CAMTA1: variants seen among roughly 807,000 people sequenced by gnomAD.
CAMTA1 encodes the protein calmodulin-binding transcription activator 1.
In CAMTA1, 27 loss-of-function variants were observed where a neutral mutation model predicts 170.9. The ratio of observed to expected loss-of-function variants is 0.16; its 90% CI spans 0.12 to 0.22. The LOEUF (loss-of-function observed/expected upper bound fraction) is 0.22. Ranked by LOEUF, CAMTA1 falls within the 10% of genes least tolerant of loss-of-function variation. CAMTA1 has a pLI of 1.00. For synonymous variants in CAMTA1, 833 were observed against 891.5 expected (o/e 0.93, Z 1.17); for missense variants, 1,619 against 2,217.2 (o/e 0.73, Z 5.42).
At chr1:7,143,122 G>C (rs1490056555) in intron 4 of CAMTA1, among the ~76,000 whole-genome samples, 2 of 152,164 alleles carry the variant, frequency 1.3e-5, no homozygotes, top group African/African-American at 4.8e-5. Context: ...GTAGAAAACT[G>C]AGCAGAGAAA....
chr1:7,473,476 C>G (rs2093368196), intron 6 of CAMTA1, among the ~76,000 whole-genome samples: 1 of 152,208 alleles, frequency 6.6e-6, no homozygotes, highest in African/African-American at 2.4e-5. Context: ...GTTCCATACT[C>G]AGGCCCTAGA....
intron 6 of CAMTA1, among the ~76,000 whole-genome samples, chr1:7,578,840 C>A (rs2095229016): frequency 6.6e-6 from 1 of 152,154 alleles, no homozygotes; most frequent in African/African-American, 2.4e-5. Flanking sequence ...GGGGCACAGC[C>A]CTTGTGACCC....
At chr1:7,306,050 A>G (rs1278302375) in intron 5 of CAMTA1, among the ~76,000 whole-genome samples, 1 of 152,032 alleles carries the variant, frequency 6.6e-6, no homozygotes, top group Non-Finnish European at 1.5e-5. Context: ...ATTTGCCAAT[A>G]TTTTTAACTA....
At chr1:7,342,322 C>T (rs2083895708) in intron 5 of CAMTA1, among the ~76,000 whole-genome samples, 1 of 152,194 alleles carries the variant, frequency 6.6e-6, no homozygotes, top group Admixed American at 6.5e-5. Context: ...CAGTCCCCCT[C>T]CACCCTTTTA....
chr1:6,911,773 A>G (rs1454803109), intron 3 of CAMTA1, among the ~76,000 whole-genome samples: 1 of 152,192 alleles, frequency 6.6e-6, no homozygotes, highest in Non-Finnish European at 1.5e-5. Context: ...GTGGAACCTA[A>G]ATTAACAACT....
intron 7 of CAMTA1, among the ~76,000 whole-genome samples, chr1:7,647,905 G>A (rs1182791874): frequency 6.6e-6 from 1 of 152,188 alleles, no homozygotes; most frequent in South Asian, 2.1e-4. Flanking sequence ...GCAACATGGC[G>A]AGACCCTGTC....
chr1:7,530,796 A>G (rs1389488548), intron 6 of CAMTA1, among the ~76,000 whole-genome samples: 1 of 147,718 alleles, frequency 6.8e-6, no homozygotes, highest in Non-Finnish European at 1.5e-5. Context: ...AAGTATGTCC[A>G]GCACTGTGAG....
rs186214560 is a variant in CAMTA1 at position 7,019,693 on chromosome 1, A to G, written c.235-71611A>G. 7.2e-5 allele frequency among the ~76,000 whole-genome samples: 11 copies of G among 152,332 alleles called. No homozygotes were observed. In the East Asian group the frequency reaches 2.1e-3, roughly 29 times the overall value. On this transcript the variant is annotated intron_variant, in intron 3 of 22. Coordinates refer to ENST00000303635, the MANE Select transcript of CAMTA1 (RefSeq NM_015215.4). ...CTGCTGCTGAGCAAACTTGGTAAAA[A>G]TGTTCATCGAGATGGAAAACAAGAA... is the stretch of plus-strand genomic sequence containing the variant.
At chr1:7,670,667 C>G (rs1393010349) in intron 9 of CAMTA1, among the ~76,000 whole-genome samples, 1 of 152,172 alleles carries the variant, frequency 6.6e-6, no homozygotes, top group Non-Finnish European at 1.5e-5. Flanking sequence ...TTGGAGCTGC[C>G]GGTCCTGGGG....
rs961336296 is a variant in CAMTA1 at position 7,661,778 on chromosome 1, G to A, written c.717G>A (p.Ser239=). Residue 239 remains serine (S), a synonymous_variant, in exon 8 of 23, where the codon TCG becomes TCA. Coordinates refer to ENST00000303635, the MANE Select transcript of CAMTA1 (RefSeq NM_015215.4). ...ATGGGAACAGCAGCTCAGGCTTCTC[G>A]GTGGAACAGCTGGTGCAGCAGATCC... The part of the protein sequence containing the change: ...CSNGNSSSGF[S]VEQLVQQILD... 37 of 1,613,804 alleles carry A rather than the reference G, an allele frequency of 2.3e-5. No individual in the cohort carries two copies. Among genetic ancestry groups the A allele is most frequent in the Admixed American group, 8.3e-5 (5 of 59,996 alleles).
At chr1:6,938,117 G>T (rs1194729142) in intron 3 of CAMTA1, among the ~76,000 whole-genome samples, 1 of 152,138 alleles carries the variant, frequency 6.6e-6, no homozygotes, top group Non-Finnish European at 1.5e-5. Context: ...TTTTATTTAG[G>T]GGCTTTAAAT....
At chr1:7,206,205 A>G (rs775200028) in intron 4 of CAMTA1, among the ~76,000 whole-genome samples, 5 of 152,204 alleles carry the variant, frequency 3.3e-5, no homozygotes, top group Non-Finnish European at 7.3e-5. Context: ...GAACTATAGT[A>G]TCAATTTGTC....
At chr1:7,298,549 G>C (rs139977863) in intron 5 of CAMTA1, among the ~76,000 whole-genome samples, 10 of 152,104 alleles carry the variant, frequency 6.6e-5, no homozygotes, top group Non-Finnish European at 1.5e-4. Context: ...CTACAGGGGC[G>C]GAATTCCGGT....
intron 16 of CAMTA1, among the ~76,000 whole-genome samples, chr1:7,741,193 C>T (rs781590393): frequency 6.6e-6 from 1 of 151,518 alleles, no homozygotes; most frequent in African/African-American, 2.4e-5. Flanking sequence ...TGAAAGCTCT[C>T]GGGTTCAGGG....
rs897782516 is a variant in CAMTA1, at chr1:6,952,912, G to T, written c.234+127702G>T. 7.2e-5 allele frequency among the ~76,000 whole-genome samples: 11 copies of T among 152,254 alleles called. No individual in the cohort carries two copies. The South Asian group carries it at 1.7e-3, about 23-fold the overall frequency. On this transcript the variant is annotated intron_variant, in intron 3 of 22. Coordinates refer to ENST00000303635, the MANE Select transcript of CAMTA1 (RefSeq NM_015215.4). ...ATACAGAAAAGAAAAGAATTAAGAG[G>T]AAAACAGGGATCCCCCGGATCTCAT...
intron 5 of CAMTA1, among the ~76,000 whole-genome samples, chr1:7,259,811 A>G (rs114070194): frequency 3.5e-3 from 531 of 152,326 alleles, no homozygotes; most frequent in Non-Finnish European, 5.2e-3. Context: ...AGTGGCGATG[A>G]CTAAACAGTT....
Position 7,665,347 on chromosome 1 carries a change from C to T in CAMTA1, c.2652+148C>T, listed in dbSNP as rs2095991948. On this transcript the variant is annotated intron_variant, in intron 9 of 22. Coordinates refer to ENST00000303635, the MANE Select transcript of CAMTA1 (RefSeq NM_015215.4). This position sits in a 1 kb window ranked among gnomAD's most constrained non-coding sequence, Gnocchi z 4.3. The stretch of plus-strand genomic sequence containing the variant: ...GATGATGCTTTCCCCTCCTTGTGTC[C>T]CCACGGCGCTTGAACACCTCCGTCT... 1 of 582,938 alleles carries T rather than the reference C, an allele frequency of 1.7e-6. No homozygotes were observed. Among genetic ancestry groups the T allele is most frequent in the Non-Finnish European group, 2.6e-6 (1 of 381,478 alleles). 36.1% of individuals were successfully genotyped at this position (582,938 alleles called of 1,614,324 possible).
At position 7,456,693 on chromosome 1, in the gene CAMTA1, G is replaced by T. The variant is rs1351337752; in HGVS notation, c.439-11137G>T. ...AGGACAGATTTCTGAGACACGAAAG[G>T]TGCAGGTCTCCAGCTCCCGCTTGGC... On this transcript the variant is annotated intron_variant, in intron 5 of 22. Coordinates refer to ENST00000303635, the MANE Select transcript of CAMTA1 (RefSeq NM_015215.4). The surrounding 1 kb of genome is among the most constrained non-coding windows in gnomAD (Gnocchi z 4.9). Among the ~76,000 whole-genome samples the T allele has an allele frequency of 1.3e-5, 2 of 152,226 alleles. No individual in the cohort carries two copies. The highest frequency in any genetic ancestry group is 4.8e-5 in the African/African-American group (2 of 41,464).
At chr1:7,379,335 T>C (rs1159425133) in intron 5 of CAMTA1, among the ~76,000 whole-genome samples, 1 of 152,240 alleles carries the variant, frequency 6.6e-6, no homozygotes, top group Non-Finnish European at 1.5e-5. Context: ...AGTTTTTTTA[T>C]TGTGGTCTGG....
Sources: allele counts gnomAD v4.1 joint callset (sites outside exome capture counted in the v4.1 genomes callset), GRCh38; gene constraint gnomAD v4.1.1; non-coding constraint Gnocchi (gnomAD v3.1); transcripts MANE v1.5; gene names NCBI Gene and HGNC (gene_info 2026-07-23, HGNC 2026-07-21).